The following EEFSEC variants were observed in gnomAD, a reference collection of about 807,000 sequenced individuals.
EEFSEC encodes selenocysteine-specific elongation factor.
In EEFSEC, 43 loss-of-function variants were observed where a neutral mutation model predicts 42.1. The ratio of observed to expected loss-of-function variants is 1.02; its 90% CI spans 0.80 to 1.32. EEFSEC has a LOEUF of 1.32. Among genes scored for constraint, EEFSEC ranks in the 40% most tolerant of loss-of-function variants. The pLI is 0.00. For synonymous variants in EEFSEC, 354 were observed against 339.1 expected, an observed-to-expected ratio of 1.04 and a Z score of -0.48; for missense variants, 745 against 803.6, an observed-to-expected ratio of 0.93 and a Z score of 0.88.
chr3:128,198,478 C>T (rs1424571330), intron 1 of EEFSEC, among the ~76,000 whole-genome samples: 1 of 152,236 alleles, frequency 6.6e-6, no homozygotes, highest in East Asian at 1.9e-4. Context: ...ACAACATCTT[C>T]CATTTCAGAA....
At chr3:128,370,868 T>G (rs895245550) in intron 6 of EEFSEC, among the ~76,000 whole-genome samples, 2 of 152,126 alleles carry the variant, frequency 1.3e-5, no homozygotes, top group African/African-American at 4.8e-5. Flanking sequence ...GTTTTACCGA[T>G]GCAGTGAGGC....
chr3:128,405,159 G>A (rs1249271814), intron 6 of EEFSEC, among the ~76,000 whole-genome samples: 1 of 152,028 alleles, frequency 6.6e-6, no homozygotes, highest in Non-Finnish European at 1.5e-5. Context: ...TGGGACTATA[G>A]GTGCCCGCCA....
chr3:128,172,871 TG>T (rs1238806428), intron 1 of EEFSEC, among the ~76,000 whole-genome samples: 1 of 152,228 alleles, frequency 6.6e-6, no homozygotes, highest in Non-Finnish European at 1.5e-5. Flanking sequence ...GGAGAAAAGC[TG>T]GGTTCCGAGG....
intron 4 of EEFSEC, among the ~76,000 whole-genome samples, chr3:128,293,678 A>AC (rs59638404): frequency 0.71 from 98,731 of 138,650 alleles, 38,933 homozygotes; most frequent in Non-Finnish European, 0.81. Context: ...AAAAAAAAAA[A>AC]AAAAAAAAAC....
At position 128,359,100 on chromosome 3, in the gene EEFSEC, G is replaced by A. The variant is rs115680262; in HGVS notation, c.1600+727G>A. ...GCACCACGTAGAAAGATAAAGCAGG[G>A]ACGAGATGGAATTGCTGAGCATGCT... On this transcript the variant is annotated intron_variant, in intron 6 of 6. Coordinates refer to ENST00000254730, the MANE Select transcript of EEFSEC (RefSeq NM_021937.5). Among the ~76,000 whole-genome samples the A allele has an allele frequency of 2.6e-3, 393 of 152,280 alleles. 1 individual carries two copies. Among genetic ancestry groups the A allele is most frequent in the African/African-American group, 9.3e-3 (388 of 41,552 alleles).
At chr3:128,326,731 A>G (rs979710205) in intron 4 of EEFSEC, among the ~76,000 whole-genome samples, 18 of 152,322 alleles carry the variant, frequency 1.2e-4, no homozygotes, top group African/African-American at 3.6e-4. Context: ...ATTACATTTA[A>G]TTGACTAGAA....
chr3:128,418,425 A>G, the EEFSEC span, among the ~76,000 whole-genome samples: 1 of 149,638 alleles, frequency 6.7e-6, no homozygotes, highest in Admixed American at 6.6e-5. Context: ...CCACCACCCC[A>G]TGCCCACACC....
intron 5 of EEFSEC, among the ~76,000 whole-genome samples, chr3:128,356,471 T>TC (rs2067455916): frequency 6.6e-6 from 1 of 152,182 alleles, no homozygotes. Context: ...ATTGTCACCC[T>TC]TGCTGGACCA....
chr3:128,181,680 C>T (rs762449702), intron 1 of EEFSEC, among the ~76,000 whole-genome samples: 9 of 152,252 alleles, frequency 5.9e-5, no homozygotes, highest in South Asian at 4.1e-4. Context: ...TGGTGGGGGG[C>T]GGTCCTCATC....
Position 128,265,320 on chromosome 3 carries a change from C to T in EEFSEC, c.786+539C>T, listed in dbSNP as rs187745779. ...ACTCCTGGTGGCCATCGACAGATGC[C>T]GCATTATTCTTCTGAAGACCTGTGA... On this transcript the variant is annotated intron_variant, in intron 4 of 6. Coordinates refer to ENST00000254730, the MANE Select transcript of EEFSEC (RefSeq NM_021937.5). Among the ~76,000 whole-genome samples, 161 of 152,222 alleles carry T rather than the reference C, an allele frequency of 1.1e-3. 1 individual carries two copies. Among genetic ancestry groups the T allele is most frequent in the African/African-American group, 3.6e-3 (149 of 41,526 alleles).
downstream of EEFSEC, among the ~76,000 whole-genome samples, chr3:128,409,769 TG>T (rs1237093398): frequency 6.6e-6 from 1 of 152,202 alleles, no homozygotes; most frequent in Non-Finnish European, 1.5e-5. Context: ...AGACACTTCC[TG>T]GGACTGCAGT....
intron 6 of EEFSEC, among the ~76,000 whole-genome samples, chr3:128,397,385 T>C (rs2067993916): frequency 1.3e-5 from 2 of 152,248 alleles, no homozygotes; most frequent in African/African-American, 4.8e-5. Context: ...CCACTGGGCC[T>C]GCCTGTAAAG....
intron 1 of EEFSEC, among the ~76,000 whole-genome samples, chr3:128,191,292 A>T (rs1474316199): frequency 2.6e-5 from 4 of 152,200 alleles, no homozygotes; most frequent in South Asian, 2.1e-4. Flanking sequence ...TTACAAAATT[A>T]AAAAAATTAT....
chr3:128,296,201 C>T (rs751637815), intron 4 of EEFSEC, among the ~76,000 whole-genome samples: 4 of 152,080 alleles, frequency 2.6e-5, no homozygotes, highest in African/African-American at 4.8e-5. Flanking sequence ...GTTGGAATAC[C>T]CTAAAAGCTC....
chr3:128,424,674 G>A, the EEFSEC span, among the ~76,000 whole-genome samples: 3 of 152,146 alleles, frequency 2.0e-5, no homozygotes, highest in South Asian at 6.2e-4. Context: ...AATGAGTCAC[G>A]GCACCCAGCC....
At chr3:128,198,932 A>G (rs1194460565) in intron 1 of EEFSEC, among the ~76,000 whole-genome samples, 2 of 152,026 alleles carry the variant, frequency 1.3e-5, no homozygotes, top group Non-Finnish European at 2.9e-5. Context: ...CCCAGGTTCA[A>G]GCGATTTTCT....
At chr3:128,395,574 T>A (rs758982006) in intron 6 of EEFSEC, among the ~76,000 whole-genome samples, 1 of 152,190 alleles carries the variant, frequency 6.6e-6, no homozygotes, top group Non-Finnish European at 1.5e-5. Flanking sequence ...GAAAACTAGC[T>A]CTGCATTTCC....
chr3:128,393,387 C>A (rs570811619), intron 6 of EEFSEC, among the ~76,000 whole-genome samples: 2 of 152,192 alleles, frequency 1.3e-5, no homozygotes, highest in African/African-American at 2.4e-5. Context: ...GGAGTCCTGG[C>A]GTTCACGCTG....
In EEFSEC at chr3:128,356,742, C is replaced by T. The variant is rs142962704; in HGVS notation, c.1444-1475C>T. 8.5e-3 allele frequency among the ~76,000 whole-genome samples: 1,294 copies of T among 152,318 alleles called. 9 individuals are homozygous for T. The highest frequency in any genetic ancestry group is 0.014 in the Middle Eastern group (4 of 294). ...CTCCTGATTCCTTCTGTGTATCCAC[C>T]TCTGCCCTGCCCCCATCCATACACA... On this transcript the variant is annotated intron_variant, in intron 5 of 6. Transcript: ENST00000254730.
Sources: allele counts gnomAD v4.1 joint callset (sites outside exome capture counted in the v4.1 genomes callset), GRCh38; gene constraint gnomAD v4.1.1; transcripts MANE v1.5; gene names NCBI Gene and HGNC (gene_info 2026-07-23, HGNC 2026-07-21).